The following NOL4L variants were observed in gnomAD, a reference collection of about 807,000 sequenced individuals.
NOL4L encodes nucleolar protein 4 like, also known as nucleolar protein 4-like.
NOL4L carries 7 observed loss-of-function variants against 64.5 expected under a neutral mutation model. That is an observed-to-expected ratio of 0.11 (90% CI 0.06 to 0.20). The LOEUF is 0.20. NOL4L is among the 10% of genes least tolerant of loss of function. The probability of loss-of-function intolerance (pLI) is 1.00; values close to 1 mark genes in which losing one functional copy is unlikely to be tolerated. For missense variants in NOL4L, 680 were observed against 967.1 expected, an observed-to-expected ratio of 0.70 and a Z score of 3.94; for synonymous variants, 413 against 401.0, an observed-to-expected ratio of 1.03 and a Z score of -0.36.
At chr20:32,503,295 C>T (rs1360395334) in intron 4 of NOL4L, among the ~76,000 whole-genome samples, 1 of 152,208 alleles carries the variant, frequency 6.6e-6, no homozygotes, top group African/African-American at 2.4e-5. Context: ...CTTTCCCGTG[C>T]TCTCATGGTG....
At chr20:32,532,204 T>C (rs983255782) in intron 1 of NOL4L, 1 of 192,086 alleles carries the variant, frequency 5.2e-6, no homozygotes, top group African/African-American at 2.4e-5. Context: ...TCTCCCTTAA[T>C]GTTCAAATTT....
intron 5 of NOL4L, among the ~76,000 whole-genome samples, chr20:32,457,502 C>G (rs1010903521): frequency 6.8e-6 from 1 of 147,908 alleles, no homozygotes; most frequent in Non-Finnish European, 1.5e-5. Flanking sequence ...AGATTTAGTC[C>G]CCGGTGCTGG....
chr20:32,511,544 G>C, intron 3 of NOL4L, 88 bp from the exon 4 acceptor site: 2 of 881,120 alleles, frequency 2.3e-6, no homozygotes, highest in Non-Finnish European at 3.5e-6. Context: ...CCGTGGAAGA[G>C]GAAGCCACCT....
intron 5 of NOL4L, among the ~76,000 whole-genome samples, chr20:32,457,840 C>T (rs1167979789): frequency 2.6e-5 from 4 of 152,300 alleles, no homozygotes; most frequent in South Asian, 4.1e-4. Context: ...TCCCGGCCCG[C>T]GCTGGCTGTC....
intron 1 of NOL4L, among the ~76,000 whole-genome samples, chr20:32,580,306 C>T (rs1750944358): frequency 6.6e-6 from 1 of 152,108 alleles, no homozygotes; most frequent in Non-Finnish European, 1.5e-5. Context: ...AGGTGACCCC[C>T]GAAACAGCCG....
At chr20:32,470,589 CAA>C (rs962139824) in intron 5 of NOL4L, among the ~76,000 whole-genome samples, 4 of 152,252 alleles carry the variant, frequency 2.6e-5, no homozygotes, top group Admixed American at 6.5e-5. Flanking sequence ...TGCCTCTGGA[CAA>C]AGTCTCTCAG....
rs893603479 is a variant in NOL4L at position 32,463,363 on chromosome 20, C to T, written c.842-6968G>A. On this transcript the variant is annotated intron_variant, in intron 5 of 10. Transcript: ENST00000621426. The surrounding 1 kb of genome is among the most constrained non-coding windows in gnomAD (Gnocchi z 5.8). ...CCCTTGAGGCCAACCTGCTGGGGCC[C>T]AGTGTGATGAAAGCAGGGTGGGCCT... Among the ~76,000 whole-genome samples, 1 of 152,172 alleles carries T rather than the reference C, an allele frequency of 6.6e-6. No individual in the cohort carries two copies. The highest frequency in any genetic ancestry group is 1.5e-5 in the Non-Finnish European group (1 of 68,008).
intron 5 of NOL4L, 65 bp from the exon 6 acceptor site, chr20:32,456,460 A>G: frequency 7.2e-7 from 1 of 1,390,176 alleles, no homozygotes; most frequent in Non-Finnish European, 9.4e-7. Context: ...GCCACCTCGG[A>G]GTATCCCACC....
intron 4 of NOL4L, chr20:32,510,018 T>C (rs1024530667): frequency 1.8e-6 from 2 of 1,120,482 alleles, no homozygotes; most frequent in South Asian, 2.6e-5. Flanking sequence ...ACAGTGGTGC[T>C]GGGATTCTAT....
At position 32,488,785 on chromosome 20, in the gene NOL4L, TCC is replaced by T. The variant is rs2016240166; in HGVS notation, c.700-14045_700-14044del. ...TTCCTTCCTTCCTTCCTTCCTTCCTTCCTTCCTTTCTTTCTTTCTTTTTCTTT... is the reference window on the plus strand; with the variant it reads ...TTCCTTCCTTCCTTCCTTCCTTCCTTTTCCTTTCTTTCTTTCTTTTTCTTT... On this transcript the variant is annotated intron_variant, in intron 4 of 10. Transcript: ENST00000621426. Among the ~76,000 whole-genome samples, 26 of 43,864 alleles carry T rather than the reference TCC, an allele frequency of 5.9e-4. 1 individual carries two copies. The East Asian group carries it at 6.7e-3, about 11-fold the overall frequency. The allele number at this position is 43,864 out of a possible 152,430, so 28.8% of individuals were successfully genotyped here.
intron 1 of NOL4L, among the ~76,000 whole-genome samples, chr20:32,560,390 G>A (rs904395406): frequency 1.3e-5 from 2 of 152,178 alleles, no homozygotes; most frequent in Admixed American, 6.5e-5. Context: ...GAGAGGCCGA[G>A]CCACCTGTCT....
chr20:32,504,299 G>A (rs776799477), intron 4 of NOL4L, among the ~76,000 whole-genome samples: 11 of 152,216 alleles, frequency 7.2e-5, no homozygotes, highest in South Asian at 6.2e-4. Context: ...GGTGGCTCAC[G>A]CCTGTAATCC....
chr20:32,498,542 C>T (rs2016786396), intron 4 of NOL4L, among the ~76,000 whole-genome samples: 1 of 151,772 alleles, frequency 6.6e-6, no homozygotes, highest in African/African-American at 2.4e-5. Context: ...GTGGGAGGAT[C>T]GCTTGAGCCC....
chr20:32,539,581 A>G (rs2018617173), intron 1 of NOL4L, among the ~76,000 whole-genome samples: 2 of 152,092 alleles, frequency 1.3e-5, no homozygotes, highest in Non-Finnish European at 2.9e-5. Flanking sequence ...TGTGACTCCT[A>G]GCTCCATCCT....
intron 4 of NOL4L, among the ~76,000 whole-genome samples, chr20:32,483,816 G>A (rs2015913314): frequency 7.3e-6 from 1 of 136,182 alleles, no homozygotes; most frequent in Non-Finnish European, 1.6e-5. Context: ...GAGAAAGGAG[G>A]GAGAGAGGCG....
intron 4 of NOL4L, among the ~76,000 whole-genome samples, chr20:32,494,652 T>C (rs1275409572): frequency 6.6e-6 from 1 of 152,152 alleles, no homozygotes; most frequent in Non-Finnish European, 1.5e-5. Context: ...GGTAGAAACA[T>C]GAAATTCTTT....
intron 1 of NOL4L, among the ~76,000 whole-genome samples, chr20:32,565,924 G>A (rs1190371580): frequency 7.2e-6 from 1 of 139,564 alleles, no homozygotes; most frequent in East Asian, 2.1e-4. Flanking sequence ...GTGGTGATGT[G>A]CCCTGTAGTG....
intron 4 of NOL4L, among the ~76,000 whole-genome samples, chr20:32,488,839 C>G (rs1415765763): frequency 1.7e-5 from 1 of 58,890 alleles, no homozygotes; most frequent in East Asian, 4.0e-4. Context: ...TTCTTTCTTT[C>G]TTTCTTTCTT....
intron 1 of NOL4L, among the ~76,000 whole-genome samples, chr20:32,564,815 G>A (rs535151893): frequency 6.6e-6 from 1 of 152,390 alleles, no homozygotes; most frequent in East Asian, 1.9e-4. Context: ...GGCTGAAGCA[G>A]GTGCGGCTAG....
Sources: gnomAD v4.1 joint callset for allele counts (sites outside exome capture counted in the v4.1 genomes callset) on GRCh38, gnomAD v4.1.1 for gene constraint, Gnocchi (gnomAD v3.1) non-coding constraint, MANE v1.5 for transcripts, NCBI Gene and HGNC (gene_info 2026-07-23, HGNC 2026-07-21) for gene names.